Variants in TMOD2 observed in about 807,000 individuals in gnomAD.
TMOD2 encodes tropomodulin-2.
A neutral mutation model predicts 39.9 loss-of-function variants in TMOD2; 22 were observed. That is an observed-to-expected ratio of 0.55 (90% CI 0.39 to 0.79). TMOD2 has a LOEUF of 0.79. Ranked by LOEUF, TMOD2 falls within the 30% of genes least tolerant of loss-of-function variation. The pLI, the probability that TMOD2 is intolerant of heterozygous loss-of-function variation, is 0.00. For missense variants in TMOD2, 386 were observed against 413.3 expected (o/e 0.93, Z 0.57); for synonymous variants, 123 against 146.1 (o/e 0.84, Z 1.14).
At chr15:51,805,980 G>C (rs2056119145) in intron 8 of TMOD2, among the ~76,000 whole-genome samples, 2 of 152,182 alleles carry the variant, frequency 1.3e-5, no homozygotes, top group Admixed American at 1.3e-4. Context: ...TAAAAATTTA[G>C]TAATTGGATT....
intron 3 of TMOD2, among the ~76,000 whole-genome samples, chr15:51,769,234 T>A (rs1045082747): frequency 6.6e-6 from 1 of 152,216 alleles, no homozygotes; most frequent in Non-Finnish European, 1.5e-5. Context: ...GTGTCATGCC[T>A]GAGAGTTTCC....
chr15:51,797,517 C>A lies in TMOD2; in HGVS notation c.733-680C>A, dbSNP rs543965395. 7.2e-5 allele frequency among the ~76,000 whole-genome samples: 11 copies of A among 152,196 alleles called. 1 individual carries two copies. Among genetic ancestry groups the A allele is most frequent in the African/African-American group, 2.6e-4 (11 of 41,526 alleles). On this transcript the variant is annotated intron_variant, in intron 7 of 9. Coordinates refer to ENST00000249700, the MANE Select transcript of TMOD2 (RefSeq NM_014548.4). ...TTTCAGCAATTCCTCAAGATAATGGCCTTTTGTTTTGTTTTGTTTTCTTGC... is the reference window on the plus strand; with the variant it reads ...TTTCAGCAATTCCTCAAGATAATGGACTTTTGTTTTGTTTTGTTTTCTTGC...
chr15:51,773,976 G>C, intron 4 of TMOD2, 142 bp downstream of exon 4: 1 of 931,450 alleles, frequency 1.1e-6, no homozygotes, highest in Non-Finnish European at 1.6e-6. Context: ...TGTAAGTCTT[G>C]ATGCAGGTGA....
intron 9 of TMOD2, 68 bp downstream of exon 9, chr15:51,806,589 C>G: frequency 6.4e-7 from 1 of 1,568,188 alleles, no homozygotes; most frequent in Middle Eastern, 1.7e-4. Flanking sequence ...CCACTTCAGA[C>G]GCAGCATCTC....
chr15:51,795,569 GCTTGCTTGCTTTCTTT>G (rs1249946537), intron 7 of TMOD2, among the ~76,000 whole-genome samples: 2,099 of 42,414 alleles, frequency 0.049, 65 homozygotes, highest in African/African-American at 0.091. Context: ...TCTTCTGCTT[GCTTGCTTGCTTTCTTT>G]CTTTCTTTCT....
intron 7 of TMOD2, among the ~76,000 whole-genome samples, chr15:51,794,521 C>T (rs985216605): frequency 2.6e-5 from 4 of 152,004 alleles, no homozygotes; most frequent in Non-Finnish European, 4.4e-5. Context: ...TCGAGACCAG[C>T]CTGGGCAACA....
At chr15:51,785,273 G>A (rs530802528) in intron 7 of TMOD2, among the ~76,000 whole-genome samples, 5 of 151,916 alleles carry the variant, frequency 3.3e-5, no homozygotes, top group South Asian at 2.1e-4. Context: ...TTAGCCGGGC[G>A]CGGTGGCGGG....
At chr15:51,780,196 A>G (rs1567240357) in intron 5 of TMOD2, among the ~76,000 whole-genome samples, 2 of 152,224 alleles carry the variant, frequency 1.3e-5, no homozygotes, top group Non-Finnish European at 2.9e-5. Flanking sequence ...GCTGGGTCAT[A>G]GAACATGCAC....
intron 3 of TMOD2, among the ~76,000 whole-genome samples, chr15:51,772,265 A>G (rs2055858672): frequency 6.6e-6 from 1 of 152,300 alleles, no homozygotes; most frequent in Non-Finnish European, 1.5e-5. Flanking sequence ...ATCAAAATGG[A>G]AGAGAACAAT....
rs1319821658 is a variant in TMOD2 at position 51,815,395 on chromosome 15, G to T, written c.*6941G>T. On this transcript the variant is annotated 3_prime_UTR_variant, in exon 10 of 10. Coordinates refer to ENST00000249700, the MANE Select transcript of TMOD2 (RefSeq NM_014548.4). ...GCTCTTATTTAAAATGTGTGTGTGTGTGTGTATGTGTGTGTTTCTGAGTAA... is the reference window on the plus strand; with the variant it reads ...GCTCTTATTTAAAATGTGTGTGTGTTTGTGTATGTGTGTGTTTCTGAGTAA... 6.6e-6 allele frequency: 1 copy of T among 152,350 alleles called. No homozygotes were observed. The highest frequency in any genetic ancestry group is 2.1e-4 in the South Asian group (1 of 4,830). The allele number at this position is 152,350 out of a possible 1,614,324, so 9.4% of individuals were successfully genotyped here.
Position 51,781,149 on chromosome 15 carries a change from A to G in TMOD2, c.599A>G (p.Gln200Arg). The stretch of plus-strand genomic sequence containing the variant: ...ATGAAAGCCAATGATCCTAGCTTGC[A>G]AGAAGTCAACCTCAACAACATTAAG... ...QQMKANDPSL[Q>R]EVNLNNIKNI... Residue 200 changes from glutamine (Q) to arginine (R), a missense_variant, in exon 6 of 10, where the codon CAA becomes CGA. Gln to Arg is a conservative substitution (Grantham distance 43). Transcript: ENST00000249700. 1 of 1,610,456 alleles carries G rather than the reference A, an allele frequency of 6.2e-7. No homozygotes were observed. Among genetic ancestry groups the G allele is most frequent in the Non-Finnish European group, 8.5e-7 (1 of 1,179,144 alleles).
At chr15:51,803,754 T>TA (rs1255072626) in intron 8 of TMOD2, among the ~76,000 whole-genome samples, 6 of 152,066 alleles carry the variant, frequency 3.9e-5, no homozygotes, top group Non-Finnish European at 7.4e-5. Flanking sequence ...CAAATCAAGT[T>TA]AAAAAACTCA....
At chr15:51,785,179 G>A (rs1164027482) in intron 7 of TMOD2, among the ~76,000 whole-genome samples, 1 of 152,064 alleles carries the variant, frequency 6.6e-6, no homozygotes, top group Non-Finnish European at 1.5e-5. Context: ...TTGGGAGGCC[G>A]AGGCGGGTGG....
intron 8 of TMOD2, 134 bp from the exon 9 acceptor site, chr15:51,806,243 G>C: frequency 2.2e-6 from 2 of 928,252 alleles, no homozygotes; most frequent in South Asian, 3.6e-5. Flanking sequence ...CTCAAGTGAC[G>C]CTGTCCCTTT....
intron 3 of TMOD2, among the ~76,000 whole-genome samples, chr15:51,771,425 G>A (rs2055853108): frequency 6.6e-6 from 1 of 152,196 alleles, no homozygotes; most frequent in Non-Finnish European, 1.5e-5. Context: ...TTATTTGGTT[G>A]GACCTCCAGG....
chr15:51,761,733 A>C (rs1470802316), intron 1 of TMOD2, among the ~76,000 whole-genome samples: 1 of 152,110 alleles, frequency 6.6e-6, no homozygotes, highest in Non-Finnish European at 1.5e-5. Flanking sequence ...TTAAAAAAAA[A>C]AAAAAATTCA....
chr15:51,785,411 CAAAA>C (rs57631565), intron 7 of TMOD2, among the ~76,000 whole-genome samples: 3 of 70,482 alleles, frequency 4.3e-5, no homozygotes, highest in African/African-American at 5.5e-5. Context: ...GACTCTGTCT[CAAAA>C]AAAAAAAAAA....
intron 7 of TMOD2, among the ~76,000 whole-genome samples, chr15:51,793,859 G>A (rs1395067303): frequency 2.0e-5 from 3 of 152,246 alleles, no homozygotes; most frequent in Non-Finnish European, 4.4e-5. Flanking sequence ...AGCTTGTAGA[G>A]TCCAAAAGGA....
chr15:51,769,018 G>A (rs1371870031), intron 3 of TMOD2, among the ~76,000 whole-genome samples: 1 of 152,248 alleles, frequency 6.6e-6, no homozygotes, highest in East Asian at 1.9e-4. Flanking sequence ...ATAATGATGT[G>A]TCCATGATGG....
Sources: gnomAD v4.1 joint callset for allele counts (sites outside exome capture counted in the v4.1 genomes callset) on GRCh38, gnomAD v4.1.1 for gene constraint, MANE v1.5 for transcripts, NCBI Gene and HGNC (gene_info 2026-07-23, HGNC 2026-07-21) for gene names.